GABRG1: variants seen among roughly 807,000 people sequenced by gnomAD.
GABRG1 encodes the protein gamma-aminobutyric acid type A receptor subunit gamma1.
Under a neutral mutation model 49.8 loss-of-function variants are expected in GABRG1, and 49 were observed. The observed-to-expected ratio is 0.98, with a 90% confidence interval of 0.78 to 1.25. The LOEUF is 1.25. Ranked by LOEUF, GABRG1 falls within the 50% of genes most tolerant of loss-of-function variation. GABRG1 has a pLI of 0.00. For missense variants in GABRG1, 552 were observed against 552.3 expected (o/e 1.00, Z 0.01); for synonymous variants, 232 against 185.1 (o/e 1.25, Z -2.06).
chr4:46,077,905 A>G (rs890675620), intron 3 of GABRG1, among the ~76,000 whole-genome samples: 1 of 151,750 alleles, frequency 6.6e-6, no homozygotes, highest in African/African-American at 2.4e-5. Flanking sequence ...AATACTAGGA[A>G]CTTTCACTTC....
chr4:46,053,986 T>TCA (rs1436898198), intron 7 of GABRG1, among the ~76,000 whole-genome samples: 2 of 108,902 alleles, frequency 1.8e-5, no homozygotes, highest in African/African-American at 8.3e-5. Context: ...TAGTCTCCCA[T>TCA]CGTTTAAATC....
In GABRG1 at chr4:46,039,984, A is replaced by G. The variant is rs896571431; in HGVS notation, c.*1004T>C. On this transcript the variant is annotated 3_prime_UTR_variant, in exon 9 of 9. Transcript: ENST00000295452. ...TTTTCTGCATATTACTAGTCTAAAAACAATGCTAATAGCACATATTTAAGA... is the reference window on the plus strand; with the variant it reads ...TTTTCTGCATATTACTAGTCTAAAAGCAATGCTAATAGCACATATTTAAGA... 6.6e-6 allele frequency: 1 copy of G among 151,912 alleles called. No individual in the cohort carries two copies. Among genetic ancestry groups the G allele is most frequent in the Non-Finnish European group, 1.5e-5 (1 of 67,862 alleles). 9.4% of individuals were successfully genotyped at this position (151,912 alleles called of 1,614,324 possible).
chr4:46,094,327 C>T (rs765177160), intron 2 of GABRG1, among the ~76,000 whole-genome samples: 4 of 151,962 alleles, frequency 2.6e-5, no homozygotes, highest in African/African-American at 9.7e-5. Flanking sequence ...GGAAAGAAAT[C>T]TTTCAAACAT....
At chr4:46,083,693 T>C (rs1010261991) in intron 3 of GABRG1, among the ~76,000 whole-genome samples, 2 of 151,030 alleles carry the variant, frequency 1.3e-5, no homozygotes, top group African/African-American at 2.4e-5. Context: ...GACTTCCTGA[T>C]TTTTTTTCTT....
At chr4:46,084,468 C>G (rs1719682581) in intron 2 of GABRG1, among the ~76,000 whole-genome samples, 1 of 151,584 alleles carries the variant, frequency 6.6e-6, no homozygotes, top group Non-Finnish European at 1.5e-5. Flanking sequence ...GTCTGGCAGG[C>G]TGAATATCTA....
At chr4:46,075,893 A>T (rs998087752) in intron 3 of GABRG1, among the ~76,000 whole-genome samples, 4 of 152,052 alleles carry the variant, frequency 2.6e-5, no homozygotes, top group African/African-American at 9.7e-5. Flanking sequence ...ATAAGTGGGA[A>T]CGTAAAACTC....
intron 1 of GABRG1, 32 bp downstream of exon 1, chr4:46,123,778 A>G (rs766305646): frequency 6.7e-7 from 1 of 1,502,958 alleles, no homozygotes; most frequent in Non-Finnish European, 9.3e-7. Context: ...GTAGATAGCA[A>G]AGAATAGTTT....
intron 3 of GABRG1, among the ~76,000 whole-genome samples, chr4:46,069,456 A>C (rs902080542): frequency 3.3e-5 from 5 of 152,134 alleles, no homozygotes; most frequent in Non-Finnish European, 5.9e-5. Context: ...TAAAAGCACC[A>C]GCTTCTGAAT....
In GABRG1 at chr4:46,058,222, G is replaced by A. The variant is rs568096519; in HGVS notation, c.911C>T (p.Ser304Leu). Reference sequence around the variant, plus strand: ...CATAATATTACATGTCATACCCAACGATGTTCTTGCAGGCACTGCATCTTT... The same window carrying A: ...CATAATATTACATGTCATACCCAACAATGTTCTTGCAGGCACTGCATCTTT... ...INKDAVPARTSLGITTVLTMT... is the reference protein window; with the variant it reads ...INKDAVPARTLLGITTVLTMT... The change falls in exon 7 of 9, where the codon TCG becomes TTG. Residue 304 changes from serine (S) to leucine (L), a missense_variant. Transcript: ENST00000295452. The A allele has an allele frequency of 1.2e-6, 2 of 1,610,218 alleles. No homozygotes were observed. The highest frequency in any genetic ancestry group is 2.2e-5 in the East Asian group (1 of 44,764).
At chr4:46,053,020 G>C (rs1194010028) in intron 7 of GABRG1, among the ~76,000 whole-genome samples, 1 of 151,624 alleles carries the variant, frequency 6.6e-6, no homozygotes, top group Non-Finnish European at 1.5e-5. Flanking sequence ...TTAGCTCTGT[G>C]ATCTTAACAA....
chr4:46,117,436 C>T (rs1228938132), intron 1 of GABRG1, among the ~76,000 whole-genome samples: 2 of 150,018 alleles, frequency 1.3e-5, no homozygotes, highest in East Asian at 2.0e-4. Context: ...TTTAATGCCA[C>T]ATCTTACACA....
intron 3 of GABRG1, among the ~76,000 whole-genome samples, chr4:46,073,482 C>T (rs1462462378): frequency 6.6e-6 from 1 of 152,020 alleles, no homozygotes; most frequent in African/African-American, 2.4e-5. Flanking sequence ...TTATTTCATA[C>T]TTACCTTTCT....
chr4:46,075,312 AT>A (rs1190504067), intron 3 of GABRG1, among the ~76,000 whole-genome samples: 4 of 152,100 alleles, frequency 2.6e-5, no homozygotes, highest in African/African-American at 9.6e-5. Context: ...CTTTTTGTTA[AT>A]TTTTAACTTT....
At chr4:46,110,868 C>T (rs1021590877) in intron 1 of GABRG1, among the ~76,000 whole-genome samples, 19 of 150,980 alleles carry the variant, frequency 1.3e-4, no homozygotes, top group Admixed American at 4.0e-4. Context: ...TAAGAGTCAT[C>T]TATGACAAAT....
At chr4:46,068,217 A>G in intron 3 of GABRG1, among the ~76,000 whole-genome samples, 1 of 152,140 alleles carries the variant, frequency 6.6e-6, no homozygotes. Flanking sequence ...ATTATGTTGT[A>G]CTGTTGCATA....
At chr4:46,051,934 A>G (rs992558061) in intron 7 of GABRG1, among the ~76,000 whole-genome samples, 1 of 151,798 alleles carries the variant, frequency 6.6e-6, no homozygotes, top group African/African-American at 2.4e-5. Context: ...ATGACTGCCC[A>G]GAACAACTTT....
Position 46,041,103 on chromosome 4 carries a change from C to G in GABRG1, c.1283G>C (p.Arg428Thr), listed in dbSNP as rs79036998. ...CFEDCRTGSW[R>T]EGRIHIRIAK... is the part of the protein sequence containing the mutation. ...AATGCGTATGTGTATCCTTCCTTCC[C>G]TCCAAGATCCTGTTCTGCAGTCTTC... is the stretch of plus-strand genomic sequence containing the variant. Residue 428 changes from arginine (R) to threonine (T), a missense_variant, in exon 9 of 9, where the codon AGG becomes ACG. Transcript: ENST00000295452. 2.9e-4 allele frequency: 467 copies of G among 1,613,204 alleles called. 1 individual carries two copies. The East Asian group carries it at 0.01, about 36-fold the overall frequency.
intron 8 of GABRG1, among the ~76,000 whole-genome samples, chr4:46,047,117 G>T (rs1009252877): frequency 1.3e-5 from 2 of 152,040 alleles, no homozygotes; most frequent in Non-Finnish European, 2.9e-5. Context: ...GTCACATGTG[G>T]CTATTGAGCA....
At chr4:46,074,451 C>T (rs928062796) in intron 3 of GABRG1, among the ~76,000 whole-genome samples, 3 of 152,058 alleles carry the variant, frequency 2.0e-5, no homozygotes, top group Admixed American at 6.6e-5. Context: ...GCACTGCTGT[C>T]GGAAGCACTT....
Sources: allele counts gnomAD v4.1 joint callset (sites outside exome capture counted in the v4.1 genomes callset), GRCh38; gene constraint gnomAD v4.1.1; transcripts MANE v1.5; gene names NCBI Gene and HGNC (gene_info 2026-07-23, HGNC 2026-07-21).